The following SPOCK3 variants were observed in gnomAD, a reference collection of about 807,000 sequenced individuals.
SPOCK3 encodes the protein testican-3.
Under a neutral mutation model 56.6 loss-of-function variants are expected in SPOCK3, and 30 were observed. That is an observed-to-expected ratio of 0.53 (90% confidence interval 0.40 to 0.72). SPOCK3 has a LOEUF of 0.72. SPOCK3 is among the 30% of genes least tolerant of loss of function. The probability of loss-of-function intolerance (pLI) is 0.00; values close to 1 mark genes in which losing one functional copy is unlikely to be tolerated. For synonymous variants in SPOCK3, 196 were observed against 183.3 expected, an observed-to-expected ratio of 1.07 and a Z score of -0.56; for missense variants, 527 against 530.0, an observed-to-expected ratio of 0.99 and a Z score of 0.06.
chr4:166,812,302 A>G (rs1276927304), intron 6 of SPOCK3, among the ~76,000 whole-genome samples: 1 of 151,924 alleles, frequency 6.6e-6, no homozygotes, highest in Non-Finnish European at 1.5e-5. Context: ...ACTTTCAGCT[A>G]GGTCTTCAAT....
chr4:166,872,055 T>TACACACAC (rs375568982), intron 6 of SPOCK3, among the ~76,000 whole-genome samples: 2 of 149,080 alleles, frequency 1.3e-5, no homozygotes, highest in South Asian at 2.1e-4. Context: ...CACACAAACA[T>TACACACAC]ACACACACAC....
intron 6 of SPOCK3, among the ~76,000 whole-genome samples, chr4:166,855,955 A>G (rs1730602391): frequency 1.3e-5 from 2 of 152,200 alleles, no homozygotes; most frequent in Admixed American, 6.5e-5. Context: ...ATTCTAGTGG[A>G]AGACTATTGA....
intron 6 of SPOCK3, among the ~76,000 whole-genome samples, chr4:166,810,809 C>A (rs1041026089): frequency 6.6e-6 from 1 of 151,694 alleles, no homozygotes; most frequent in Non-Finnish European, 1.5e-5. Flanking sequence ...ATAAAATAAA[C>A]TGGAGTGTGC....
At chr4:167,233,939 G>A (rs201271870) in intron 2 of SPOCK3, 46 bp downstream of exon 2, 1 of 1,563,946 alleles carries the variant, frequency 6.4e-7, no homozygotes, top group African/African-American at 1.4e-5. Context: ...CCCCGCCTCG[G>A]AGCAGCGCGC....
At chr4:166,936,153 G>C (rs1328309286) in intron 4 of SPOCK3, among the ~76,000 whole-genome samples, 2 of 151,958 alleles carry the variant, frequency 1.3e-5, no homozygotes, top group African/African-American at 4.8e-5. Context: ...AAACCAAACT[G>C]GCTTATTTTC....
chr4:166,814,310 T>C (rs1744165824), intron 6 of SPOCK3, among the ~76,000 whole-genome samples: 1 of 152,168 alleles, frequency 6.6e-6, no homozygotes, highest in Admixed American at 6.5e-5. Context: ...AGGTGTCAAT[T>C]GGATTGGATT....
intron 6 of SPOCK3, among the ~76,000 whole-genome samples, chr4:166,884,044 T>C (rs187522737): frequency 1.8e-4 from 27 of 152,302 alleles, no homozygotes; most frequent in African/African-American, 5.5e-4. Context: ...ACTACATACA[T>C]GGCTACATAT....
chr4:166,807,084 A>G, intron 6 of SPOCK3, among the ~76,000 whole-genome samples: 1 of 152,080 alleles, frequency 6.6e-6, no homozygotes, highest in South Asian at 2.1e-4. Flanking sequence ...CTGAAACTGC[A>G]GATAAAGGGG....
At chr4:166,790,399 C>A (rs1426841436) in intron 7 of SPOCK3, among the ~76,000 whole-genome samples, 2 of 152,264 alleles carry the variant, frequency 1.3e-5, no homozygotes, top group South Asian at 2.1e-4. Flanking sequence ...ATCTGAGGAG[C>A]TGAGGGAGCC....
intron 2 of SPOCK3, among the ~76,000 whole-genome samples, chr4:167,114,323 T>C (rs1220087437): frequency 1.3e-5 from 2 of 152,128 alleles, no homozygotes; most frequent in African/African-American, 4.8e-5. Flanking sequence ...AAATACCTTT[T>C]TCTAAGTTGA....
At chr4:166,853,529 T>G (rs1310970599) in intron 6 of SPOCK3, among the ~76,000 whole-genome samples, 1 of 152,210 alleles carries the variant, frequency 6.6e-6, no homozygotes, top group Non-Finnish European at 1.5e-5. Flanking sequence ...AAACTCTCTC[T>G]CAATTTTTCA....
At chr4:166,953,299 G>C (rs1742932368) in intron 4 of SPOCK3, among the ~76,000 whole-genome samples, 1 of 152,198 alleles carries the variant, frequency 6.6e-6, no homozygotes, top group Non-Finnish European at 1.5e-5. Flanking sequence ...CTTCTCAAAA[G>C]AAGACATTTA....
At chr4:166,784,224 C>T (rs1015710086) in intron 7 of SPOCK3, among the ~76,000 whole-genome samples, 11 of 152,046 alleles carry the variant, frequency 7.2e-5, no homozygotes, top group Non-Finnish European at 1.2e-4. Flanking sequence ...AAGTTTGGTT[C>T]CTAGCAGATC....
chr4:167,143,956 T>G (rs561472461), intron 2 of SPOCK3, among the ~76,000 whole-genome samples: 1 of 152,120 alleles, frequency 6.6e-6, no homozygotes, highest in East Asian at 1.9e-4. Flanking sequence ...TAAAAGTCAC[T>G]GAAGATATTT....
chr4:167,072,794 A>G (rs1202522494), intron 2 of SPOCK3, among the ~76,000 whole-genome samples: 8 of 151,888 alleles, frequency 5.3e-5, no homozygotes, highest in African/African-American at 1.9e-4. Flanking sequence ...GGAAAATAAG[A>G]TTATAAAAAG....
intron 4 of SPOCK3, among the ~76,000 whole-genome samples, chr4:166,944,362 G>A (rs1741471083): frequency 6.6e-6 from 1 of 152,004 alleles, no homozygotes; most frequent in Non-Finnish European, 1.5e-5. Context: ...CCATATGAAT[G>A]AGGACATAAG....
At chr4:166,999,092 T>C (rs1340170747) in intron 4 of SPOCK3, among the ~76,000 whole-genome samples, 2 of 152,184 alleles carry the variant, frequency 1.3e-5, no homozygotes, top group Admixed American at 1.3e-4. Context: ...GTAGGCTAAC[T>C]TTACAGAATT....
At chr4:166,769,383 G>C (rs188519358) in intron 7 of SPOCK3, among the ~76,000 whole-genome samples, 1 of 152,228 alleles carries the variant, frequency 6.6e-6, no homozygotes, top group East Asian at 1.9e-4. Flanking sequence ...TGTCCTTTCT[G>C]TTTGTTAGTT....
chr4:167,193,802 CTCTG>C (rs1350107045), intron 2 of SPOCK3, among the ~76,000 whole-genome samples: 1 of 145,392 alleles, frequency 6.9e-6, no homozygotes, highest in Non-Finnish European at 1.5e-5. Flanking sequence ...TTAATTTTTT[CTCTG>C]TCTGACTTTT....
Sources: gnomAD v4.1 joint callset for allele counts (sites outside exome capture counted in the v4.1 genomes callset) on GRCh38, gnomAD v4.1.1 for gene constraint, MANE v1.5 for transcripts, NCBI Gene and HGNC (gene_info 2026-07-23, HGNC 2026-07-21) for gene names.